Variants in ARMC8 observed in about 807,000 individuals in gnomAD.
ARMC8 encodes armadillo repeat containing 8.
A neutral mutation model predicts 99.3 loss-of-function variants in ARMC8; 20 were observed. That is an observed-to-expected ratio of 0.20 (90% confidence interval 0.14 to 0.29). ARMC8 has a LOEUF of 0.29. ARMC8 is among the 10% of genes least tolerant of loss of function. The pLI is 1.00. For synonymous variants in ARMC8, 263 were observed against 278.3 expected (o/e 0.95, Z 0.55); for missense variants, 569 against 809.5 (o/e 0.70, Z 3.60).
intron 1 of ARMC8, among the ~76,000 whole-genome samples, chr3:138,193,893 A>G (rs2043539937): frequency 6.6e-6 from 1 of 152,182 alleles, no homozygotes; most frequent in South Asian, 2.1e-4. Context: ...ACCCTGTTAA[A>G]AGGATGGTTG....
chr3:138,211,512 T>C (rs114639298), intron 2 of ARMC8, among the ~76,000 whole-genome samples: 1,900 of 152,324 alleles, frequency 0.012, 41 homozygotes, highest in African/African-American at 0.042. Flanking sequence ...GTGGGAAAGA[T>C]AGAATTATGA....
chr3:138,237,326 G>A lies in ARMC8; in HGVS notation c.627G>A (p.Leu209=). 1 of 1,613,392 alleles carries A rather than the reference G, an allele frequency of 6.2e-7. No individual in the cohort carries two copies. The highest frequency in any genetic ancestry group is 8.5e-7 in the Non-Finnish European group (1 of 1,179,862). The change falls in exon 8 of 22, where the codon CTG becomes CTA. Residue 209 remains leucine (L), a synonymous_variant. Transcript: ENST00000469044. ...TTTTACAGGTTCGAATGCAAGCACT[G>A]AAATGTTTCTCAGTTTTAGCTTTTG... ...SLSYKVRMQA[L]KCFSVLAFEN... is the part of the protein sequence containing the mutation.
chr3:138,245,832 G>A lies in ARMC8; in HGVS notation c.1134+649G>A, dbSNP rs536606896. ...TTCTAGATGAGGAGTATAGTGGTAAGTAAGCTCTGACTTGGCTCCTTCCAC... is the reference window on the plus strand; with the variant it reads ...TTCTAGATGAGGAGTATAGTGGTAAATAAGCTCTGACTTGGCTCCTTCCAC... On this transcript the variant is annotated intron_variant, in intron 12 of 21. Coordinates refer to ENST00000469044, the MANE Select transcript of ARMC8 (RefSeq NM_001363941.2). 4.0e-5 allele frequency: 39 copies of A among 985,792 alleles called. No homozygotes were observed. The African/African-American group carries it at 6.5e-4, about 16-fold the overall frequency. The allele number at this position is 985,792 out of a possible 1,614,324, so 61.1% of individuals were successfully genotyped here. A position where few individuals can be genotyped will look rare whatever the true frequency, so the allele number is the denominator to read the frequency against.
At chr3:138,237,806 A>G (rs1576722435) in intron 9 of ARMC8, among the ~76,000 whole-genome samples, 2 of 152,160 alleles carry the variant, frequency 1.3e-5, no homozygotes, top group African/African-American at 4.8e-5. Flanking sequence ...CTGTCTTCAG[A>G]AAATTACTTT....
intron 2 of ARMC8, among the ~76,000 whole-genome samples, chr3:138,219,093 A>G (rs1275171745): frequency 6.6e-6 from 1 of 152,154 alleles, no homozygotes; most frequent in Non-Finnish European, 1.5e-5. Context: ...GTTCTGAAAA[A>G]AGGCCAATCC....
intron 5 of ARMC8, among the ~76,000 whole-genome samples, chr3:138,227,256 G>T (rs1352921836): frequency 6.6e-6 from 1 of 152,170 alleles, no homozygotes; most frequent in Non-Finnish European, 1.5e-5. Context: ...GGAAGAAATG[G>T]GATGGGGGCT....
At chr3:138,193,259 G>A (rs1230548249) in intron 1 of ARMC8, among the ~76,000 whole-genome samples, 6 of 151,604 alleles carry the variant, frequency 4.0e-5, no homozygotes, top group East Asian at 1.9e-4. Context: ...GTGAGCCACC[G>A]CGCCGGCTTA....
chr3:138,190,271 A>G (rs375550811), intron 1 of ARMC8, among the ~76,000 whole-genome samples: 1 of 110,274 alleles, frequency 9.1e-6, no homozygotes, highest in Non-Finnish European at 2.0e-5. Context: ...GAGATTCTTT[A>G]TTTTCTTATC....
chr3:138,217,473 C>T (rs572238006), intron 2 of ARMC8, among the ~76,000 whole-genome samples: 5 of 149,608 alleles, frequency 3.3e-5, no homozygotes, highest in East Asian at 2.0e-4. Context: ...GTTTTCATCA[C>T]GCTTATAATG....
At chr3:138,203,108 C>A (rs1307878968) in intron 1 of ARMC8, among the ~76,000 whole-genome samples, 1 of 152,134 alleles carries the variant, frequency 6.6e-6, no homozygotes, top group Non-Finnish European at 1.5e-5. Flanking sequence ...TTCTGCTTTT[C>A]TTTTGCACTA....
chr3:138,246,699 T>C (rs1457131874), intron 12 of ARMC8: 13 of 982,742 alleles, frequency 1.3e-5, no homozygotes, highest in Non-Finnish European at 1.6e-5. Flanking sequence ...ACTTTTTTGT[T>C]AATAAACTGT....
At chr3:138,192,110 G>T (rs955316859) in intron 1 of ARMC8, among the ~76,000 whole-genome samples, 22 of 152,040 alleles carry the variant, frequency 1.4e-4, no homozygotes, top group Non-Finnish European at 1.5e-4. Flanking sequence ...ATTTCTACCA[G>T]TAATATATGA....
intron 6 of ARMC8, among the ~76,000 whole-genome samples, chr3:138,234,817 C>A (rs1018378922): frequency 2.0e-5 from 3 of 152,188 alleles, no homozygotes; most frequent in African/African-American, 7.2e-5. Flanking sequence ...GGTAAAGAGG[C>A]AGCATTTCTA....
chr3:138,208,154 G>T (rs2044486477), intron 1 of ARMC8, among the ~76,000 whole-genome samples: 1 of 151,090 alleles, frequency 6.6e-6, no homozygotes, highest in Non-Finnish European at 1.5e-5. Context: ...AGGATATTTT[G>T]GTAGCAAATT....
chr3:138,190,210 G>C (rs2043300322), intron 1 of ARMC8, among the ~76,000 whole-genome samples: 1 of 149,918 alleles, frequency 6.7e-6, no homozygotes, highest in African/African-American at 2.5e-5. Flanking sequence ...TTCTTTTCTT[G>C]ATTGAATTTG....
At chr3:138,221,592 T>G (rs556488933) in intron 2 of ARMC8, among the ~76,000 whole-genome samples, 53 of 152,328 alleles carry the variant, frequency 3.5e-4, no homozygotes, top group African/African-American at 1.1e-3. Flanking sequence ...GTTGTTCGTT[T>G]AACTCACTCC....
chr3:138,245,256 T>A (rs766985638), intron 12 of ARMC8, 73 bp downstream of exon 12: 1 of 1,614,058 alleles, frequency 6.2e-7, no homozygotes. Flanking sequence ...CTGAAAGTCG[T>A]GGTGAAGAGC....
chr3:138,200,122 AC>A (rs2043968289), intron 1 of ARMC8, among the ~76,000 whole-genome samples: 2 of 152,192 alleles, frequency 1.3e-5, no homozygotes, highest in Non-Finnish European at 2.9e-5. Flanking sequence ...AACTGTCCTC[AC>A]ATGTAACTTT....
At chr3:138,287,854 C>T in intron 19 of ARMC8, 1 of 293,396 alleles carries the variant, frequency 3.4e-6, no homozygotes, top group Non-Finnish European at 6.8e-6. Flanking sequence ...TTTGAACATA[C>T]TAGAAATTTT....
Sources: gnomAD v4.1 joint callset for allele counts (sites outside exome capture counted in the v4.1 genomes callset) on GRCh38, gnomAD v4.1.1 for gene constraint, MANE v1.5 for transcripts, NCBI Gene and HGNC (gene_info 2026-07-23, HGNC 2026-07-21) for gene names.